The following IKBKB variants were observed in gnomAD, a reference collection of about 807,000 sequenced individuals.
IKBKB encodes the protein inhibitor of nuclear factor kappa B kinase subunit beta, also known as inhibitor of nuclear factor kappa-B kinase subunit beta.
Under a neutral mutation model 113.6 loss-of-function variants are expected in IKBKB, and 42 were observed. The ratio of observed to expected loss-of-function variants is 0.37; its 90% CI spans 0.29 to 0.48. The LOEUF is 0.48. Ranked by LOEUF, IKBKB falls within the 20% of genes least tolerant of loss-of-function variation. The probability of loss-of-function intolerance (pLI) is 0.99; values close to 1 mark genes in which losing one functional copy is unlikely to be tolerated. For synonymous variants in IKBKB, 296 were observed against 361.3 expected (o/e 0.82, Z 2.05); for missense variants, 673 against 939.7 (o/e 0.72, Z 3.71).
intron 5 of IKBKB, chr8:42,298,017 T>G: frequency 2.3e-6 from 2 of 858,198 alleles, no homozygotes; most frequent in Non-Finnish European, 2.8e-6. Flanking sequence ...GGGACCCATG[T>G]GGAGCAGCTG....
At chr8:42,308,430 T>C (rs1816993196) in intron 7 of IKBKB, among the ~76,000 whole-genome samples, 1 of 152,014 alleles carries the variant, frequency 6.6e-6, no homozygotes. Flanking sequence ...CCTGAATAGC[T>C]GGGACTAAAG....
intron 2 of IKBKB, among the ~76,000 whole-genome samples, chr8:42,280,046 C>A (rs1281371393): frequency 6.6e-6 from 1 of 152,102 alleles, no homozygotes; most frequent in African/African-American, 2.4e-5. Flanking sequence ...TGAGGTCTTT[C>A]TATGTTGCCC....
Position 42,320,834 on chromosome 8 carries a change from C to A in IKBKB, c.1678C>A (p.Leu560Met). The A allele has an allele frequency of 6.3e-7, 1 of 1,590,340 alleles. No homozygotes were observed. The highest frequency in any genetic ancestry group is 1.1e-5 in the South Asian group (1 of 86,984). Residue 560 changes from leucine (L) to methionine (M), a missense_variant, in exon 16 of 22, where the codon CTG becomes ATG. Transcript: ENST00000520810. ...SPMGRKQGGT[L>M]DDLEEQAREL... ...CATGGGCCGGAAGCAGGGGGGAACG[C>A]TGGACGACCTGTGAGTACTGGCTGG...
At chr8:42,327,821 T>A (rs1563374176) in intron 20 of IKBKB, among the ~76,000 whole-genome samples, 259 of 12,628 alleles carry the variant, frequency 0.021, 2 homozygotes, top group Non-Finnish European at 0.13. Context: ...TTTTTTTTTT[T>A]GAGACGGAGT....
chr8:42,328,905 T>G (rs1821299349), intron 20 of IKBKB, among the ~76,000 whole-genome samples: 1 of 152,206 alleles, frequency 6.6e-6, no homozygotes, highest in Non-Finnish European at 1.5e-5. Context: ...CTGTTTGCTT[T>G]TTTGCATTTT....
chr8:42,329,511 A>G (rs1821411641), intron 21 of IKBKB: 9 of 872,240 alleles, frequency 1.0e-5, no homozygotes, highest in Non-Finnish European at 1.2e-5. Flanking sequence ...TATATTTATA[A>G]TTTTCTAGTA....
At chr8:42,315,620 G>A (rs1197206266) in intron 9 of IKBKB, among the ~76,000 whole-genome samples, 1 of 152,030 alleles carries the variant, frequency 6.6e-6, no homozygotes, top group African/African-American at 2.4e-5. Flanking sequence ...TGCCTATAAA[G>A]TGTATTTTTA....
chr8:42,280,005 C>T (rs563371899), intron 2 of IKBKB, among the ~76,000 whole-genome samples: 21 of 152,174 alleles, frequency 1.4e-4, no homozygotes, highest in African/African-American at 4.3e-4. Flanking sequence ...TGAGACACCA[C>T]GCCTGGCTAA....
Position 42,314,415 on chromosome 8 carries a change from C to A in IKBKB, c.786C>A (p.Pro262=). The change falls in exon 9 of 22, where the codon CCC becomes CCA. Residue 262 remains proline, a synonymous_variant. Transcript: ENST00000520810. ...AGTTTTCAAGCTCTTTACCCTACCC[C>A]AATAATCTTAACAGGTAAGGCACAG... ...TVKFSSSLPY[P]NNLNSVLAER... The A allele has an allele frequency of 6.2e-7, 1 of 1,602,170 alleles. No homozygotes were observed. Among genetic ancestry groups the A allele is most frequent in the Non-Finnish European group, 8.6e-7 (1 of 1,169,122 alleles).
intron 2 of IKBKB, among the ~76,000 whole-genome samples, chr8:42,283,906 T>C (rs541844180): frequency 5.9e-5 from 9 of 152,280 alleles, no homozygotes; most frequent in South Asian, 2.1e-4. Flanking sequence ...CTTGGAATAG[T>C]GTCCATGGAA....
intron 3 of IKBKB, 91 bp downstream of exon 3, chr8:42,288,819 C>G: frequency 9.7e-7 from 1 of 1,029,082 alleles, no homozygotes; most frequent in Non-Finnish European, 1.4e-6. Context: ...GTGCGTGGCT[C>G]ACGCCTGTAA....
intron 5 of IKBKB, among the ~76,000 whole-genome samples, chr8:42,302,779 C>A (rs542522018): frequency 2.0e-5 from 3 of 148,244 alleles, no homozygotes; most frequent in Non-Finnish European, 3.0e-5. Context: ...AAAAAAAAAA[C>A]TGATCCCAAG....
intron 5 of IKBKB, chr8:42,298,499 C>G: frequency 1.0e-6 from 1 of 984,722 alleles, no homozygotes; most frequent in South Asian, 4.7e-5. Flanking sequence ...GGTGCACTGT[C>G]TAGCATTGTG....
chr8:42,319,014 C>T, intron 13 of IKBKB: 1 of 564,930 alleles, frequency 1.8e-6, no homozygotes, highest in Non-Finnish European at 3.1e-6. Context: ...ACTCTTTCCT[C>T]ATTGTGACTC....
chr8:42,315,350 T>C (rs779946540), intron 9 of IKBKB, among the ~76,000 whole-genome samples: 4 of 152,070 alleles, frequency 2.6e-5, no homozygotes, highest in Non-Finnish European at 5.9e-5. Context: ...AGCTAGAACT[T>C]TTTGGAAGGG....
intron 7 of IKBKB, among the ~76,000 whole-genome samples, chr8:42,307,380 C>G (rs1029722850): frequency 6.6e-6 from 1 of 152,150 alleles, no homozygotes; most frequent in Non-Finnish European, 1.5e-5. Context: ...ATCTTAAAAC[C>G]TCTGCAGAGA....
chr8:42,284,736 G>A (rs549658693), intron 2 of IKBKB, among the ~76,000 whole-genome samples: 1 of 152,230 alleles, frequency 6.6e-6, no homozygotes, highest in South Asian at 2.1e-4. Flanking sequence ...ATGTGTCTGA[G>A]CACTGTGGGG....
rs147764085 is a variant in IKBKB at position 42,302,343 on chromosome 8, C to T, written c.389-2844C>T. ...CACATGGAAAGCAGCGAGTCTTTCA[C>T]CTCATCTGGACATTAATTGGACCTA... On this transcript the variant is annotated intron_variant, in intron 5 of 21. Transcript: ENST00000520810. Among the ~76,000 whole-genome samples, 600 of 152,276 alleles carry T rather than the reference C, an allele frequency of 3.9e-3. 1 individual carries two copies. Among genetic ancestry groups the T allele is most frequent in the Middle Eastern group, 6.8e-3 (2 of 294 alleles).
intron 20 of IKBKB, 139 bp from the exon 21 acceptor site, chr8:42,328,985 T>G: frequency 1.6e-6 from 1 of 621,846 alleles, no homozygotes; most frequent in Non-Finnish European, 2.7e-6. Flanking sequence ...GGGTTGGTGT[T>G]TTAAGACACT....
Sources: allele counts gnomAD v4.1 joint callset (sites outside exome capture counted in the v4.1 genomes callset), GRCh38; gene constraint gnomAD v4.1.1; transcripts MANE v1.5; gene names NCBI Gene and HGNC (gene_info 2026-07-23, HGNC 2026-07-21).